Variants in UNC13C observed in about 807,000 individuals in gnomAD.
The protein encoded by UNC13C is unc-13 homolog C.
In UNC13C, 174 loss-of-function variants were observed where a neutral mutation model predicts 245.4. That is an observed-to-expected ratio of 0.71 (90% confidence interval 0.63 to 0.80). UNC13C has a LOEUF of 0.80. Ranked by LOEUF, UNC13C falls within the 30% of genes least tolerant of loss-of-function variation. The pLI is 0.00. For missense variants in UNC13C, 2,829 were observed against 2,602.9 expected (o/e 1.09, Z -1.89); for synonymous variants, 992 against 895.1 (o/e 1.11, Z -1.93).
At position 54,627,192 on chromosome 15, in the gene UNC13C, T is replaced by C. The variant is rs938768407; in HGVS notation, c.*79T>C. ...TGTGCAAATACATGGGAATGTTTAG[T>C]TCACTACATTTCAATGTTTGCCAGT... On this transcript the variant is annotated 3_prime_UTR_variant, in exon 33 of 33. Transcript: ENST00000260323. 2.2e-6 allele frequency: 3 copies of C among 1,364,404 alleles called. No individual in the cohort carries two copies. The highest frequency in any genetic ancestry group is 2.9e-5 in the African/African-American group (2 of 69,198). 84.5% of individuals were successfully genotyped at this position (1,364,404 alleles called of 1,614,324 possible). A position where few individuals can be genotyped will look rare whatever the true frequency, so the allele number is the denominator to read the frequency against.
At position 54,628,305 on chromosome 15, in the gene UNC13C, T is replaced by C. The variant is rs548902023; in HGVS notation, c.*1192T>C. ...GCCAAAATATATGGCTGTAAAACAG[T>C]ACTTTGTAATTATAACTTATGGTCA... is the stretch of plus-strand genomic sequence containing the variant. On this transcript the variant is annotated 3_prime_UTR_variant, in exon 33 of 33. Coordinates refer to ENST00000260323, the MANE Select transcript of UNC13C (RefSeq NM_001080534.3). 6.6e-6 allele frequency: 1 copy of C among 152,458 alleles called. No homozygotes were observed. Among genetic ancestry groups the C allele is most frequent in the African/African-American group, 2.4e-5 (1 of 41,572 alleles). 9.4% of individuals were successfully genotyped at this position (152,458 alleles called of 1,614,324 possible). A position where few individuals can be genotyped will look rare whatever the true frequency, so the allele number is the denominator to read the frequency against.
chr15:54,216,740 C>A (rs2035051683), intron 4 of UNC13C, among the ~76,000 whole-genome samples: 1 of 152,052 alleles, frequency 6.6e-6, no homozygotes, highest in South Asian at 2.1e-4. Context: ...CATTAATATT[C>A]TATGCCCTAT....
chr15:53,900,574 T>A, the UNC13C span, among the ~76,000 whole-genome samples: 1 of 152,192 alleles, frequency 6.6e-6, no homozygotes, highest in African/African-American at 2.4e-5. Flanking sequence ...TGAATCACTG[T>A]AGCTACACAA....
At chr15:54,238,990 G>T (rs2035781003) in intron 7 of UNC13C, among the ~76,000 whole-genome samples, 1 of 152,146 alleles carries the variant, frequency 6.6e-6, no homozygotes, top group South Asian at 2.1e-4. Context: ...CTTGTGTTTG[G>T]TGCCTGGCAT....
chr15:54,199,745 C>A (rs1423202779), intron 4 of UNC13C, among the ~76,000 whole-genome samples: 1 of 152,006 alleles, frequency 6.6e-6, no homozygotes, highest in African/African-American at 2.4e-5. Flanking sequence ...CTACTTAAAG[C>A]ACAAATCTCA....
chr15:54,156,454 G>C (rs2032749310), intron 4 of UNC13C, among the ~76,000 whole-genome samples: 1 of 152,114 alleles, frequency 6.6e-6, no homozygotes, highest in Admixed American at 6.5e-5. Flanking sequence ...CACATATAAA[G>C]ACCTCTTCAG....
chr15:53,906,199 G>A, the UNC13C span, among the ~76,000 whole-genome samples: 1 of 152,104 alleles, frequency 6.6e-6, no homozygotes. Context: ...GGTGGTGCAT[G>A]CGTGTAGTCC....
At chr15:54,232,451 A>G (rs1171011641) in intron 4 of UNC13C, among the ~76,000 whole-genome samples, 2 of 152,128 alleles carry the variant, frequency 1.3e-5, no homozygotes, top group Non-Finnish European at 2.9e-5. Context: ...CCAATAATGC[A>G]CATGCTTATA....
intron 1 of UNC13C, among the ~76,000 whole-genome samples, chr15:53,990,200 A>T (rs1894322894): frequency 6.6e-6 from 1 of 152,084 alleles, no homozygotes; most frequent in Non-Finnish European, 1.5e-5. Flanking sequence ...GACTTTAAAA[A>T]ATATATACCT....
chr15:54,156,794 G>A (rs1230276917), intron 4 of UNC13C, among the ~76,000 whole-genome samples: 1 of 149,370 alleles, frequency 6.7e-6, no homozygotes, highest in African/African-American at 2.5e-5. Flanking sequence ...AGACATATTT[G>A]ATGAAAGACT....
At chr15:54,429,344 T>C (rs574433740) in intron 19 of UNC13C, among the ~76,000 whole-genome samples, 160 of 151,926 alleles carry the variant, frequency 1.1e-3, no homozygotes, top group African/African-American at 3.8e-3. Context: ...AGTTAAAGCA[T>C]TATTCTTTTA....
In UNC13C at chr15:54,014,633, C is replaced by T. The variant is rs1325459777; in HGVS notation, c.1730C>T (p.Ser577Phe). 1 of 1,613,594 alleles carries T rather than the reference C, an allele frequency of 6.2e-7. No homozygotes were observed. Among genetic ancestry groups the T allele is most frequent in the Non-Finnish European group, 8.5e-7 (1 of 1,179,814 alleles). ...NQFFTRTNGS[S>F]LLSSSDRELW... ...TTTTTCACTAGAACTAATGGAAGCTCTCTCCTGTCATCTTCGGACCGGGAG... is the reference window on the plus strand; with the variant it reads ...TTTTTCACTAGAACTAATGGAAGCTTTCTCCTGTCATCTTCGGACCGGGAG... Residue 577 changes from serine to phenylalanine, a missense_variant, in exon 2 of 33, where the codon TCT becomes TTT. Ser to Phe is a radical substitution (Grantham distance 155). Transcript: ENST00000260323.
intron 18 of UNC13C, among the ~76,000 whole-genome samples, chr15:54,403,757 TCA>T (rs1003051979): frequency 2.7e-5 from 4 of 148,286 alleles, no homozygotes; most frequent in African/African-American, 9.8e-5. Flanking sequence ...ATAGATCCAT[TCA>T]CAGTTTTGTT....
chr15:54,585,783 T>C (rs924752622), intron 30 of UNC13C, among the ~76,000 whole-genome samples: 1 of 152,220 alleles, frequency 6.6e-6, no homozygotes, highest in African/African-American at 2.4e-5. Context: ...CACCTCTTAA[T>C]ATAACAAGCA....
Position 54,562,349 on chromosome 15 carries a change from G to T in UNC13C, c.5959-5451G>T, listed in dbSNP as rs546210919. On this transcript the variant is annotated intron_variant, in intron 29 of 32. Coordinates refer to ENST00000260323, the MANE Select transcript of UNC13C (RefSeq NM_001080534.3). ...AAATAAATTATGCAAAAGTCTGACT[G>T]TATAGGGGACAGATGAAGAATTATA... 2.0e-5 allele frequency among the ~76,000 whole-genome samples: 3 copies of T among 152,078 alleles called. No individual in the cohort carries two copies. The South Asian group carries it at 6.2e-4, about 32-fold the overall frequency.
chr15:54,482,874 CAT>C (rs910253607), intron 19 of UNC13C, among the ~76,000 whole-genome samples: 3 of 152,128 alleles, frequency 2.0e-5, no homozygotes, highest in African/African-American at 7.2e-5. Flanking sequence ...ACATTTTTCA[CAT>C]GTCTAAAGGC....
At chr15:53,927,630 C>A in the UNC13C span, among the ~76,000 whole-genome samples, 28 of 152,096 alleles carry the variant, frequency 1.8e-4, no homozygotes, top group Admixed American at 1.8e-3. Context: ...ATGTACAGAA[C>A]ACAAGTGGTT....
intron 2 of UNC13C, among the ~76,000 whole-genome samples, chr15:54,019,953 C>T (rs761577414): frequency 4.6e-5 from 7 of 152,092 alleles, no homozygotes; most frequent in Admixed American, 2.6e-4. Flanking sequence ...TTAAATTACA[C>T]GAGTTACTGA....
chr15:53,867,272 A>G, the UNC13C span, among the ~76,000 whole-genome samples: 25 of 152,350 alleles, frequency 1.6e-4, no homozygotes, highest in Admixed American at 1.6e-3. Context: ...CAAATAAGCA[A>G]TGAACAATAA....
Sources: gnomAD v4.1 joint callset for allele counts (sites outside exome capture counted in the v4.1 genomes callset) on GRCh38, gnomAD v4.1.1 for gene constraint, MANE v1.5 for transcripts, NCBI Gene and HGNC (gene_info 2026-07-23, HGNC 2026-07-21) for gene names.